The following TMOD3 variants were observed in gnomAD, a reference collection of about 807,000 sequenced individuals.
The protein encoded by TMOD3 is tropomodulin-3.
TMOD3 carries 20 observed loss-of-function variants against 39.2 expected under a neutral mutation model. That is an observed-to-expected ratio of 0.51 (90% CI 0.36 to 0.74). The LOEUF is 0.74. TMOD3 is among the 30% of genes least tolerant of loss of function. The pLI is 0.00. For synonymous variants in TMOD3, 143 were observed against 145.8 expected (o/e 0.98, Z 0.14); for missense variants, 381 against 412.8 (o/e 0.92, Z 0.67).
At chr15:51,901,817 T>C in intron 8 of TMOD3, 75 bp from the exon 9 acceptor site, 1 of 1,455,384 alleles carries the variant, frequency 6.9e-7, no homozygotes, top group Non-Finnish European at 9.4e-7. Context: ...AGCATGTGCC[T>C]GAATGTCTTA....
chr15:51,905,375 T>C (rs2056673253), intron 9 of TMOD3, among the ~76,000 whole-genome samples: 1 of 152,020 alleles, frequency 6.6e-6, no homozygotes, highest in Non-Finnish European at 1.5e-5. Flanking sequence ...TAATCCTAGC[T>C]ACTCGGGAGG....
chr15:51,867,110 T>G (rs1310082121), intron 2 of TMOD3, among the ~76,000 whole-genome samples: 2 of 151,972 alleles, frequency 1.3e-5, no homozygotes, highest in East Asian at 3.9e-4. Flanking sequence ...GTGACTGGAA[T>G]GGAGAGGGTG....
chr15:51,900,202 T>C lies in TMOD3; in HGVS notation c.783T>C (p.Asn261=). ...LKVNKTLKSL[N]VESNFITGVG... is the part of the protein sequence containing the mutation. Reference sequence around the variant, plus strand: ...TGAACAAAACTTTGAAGAGCTTAAATGTGGAGTCCAACTTTATCACGGGAG... The same window carrying C: ...TGAACAAAACTTTGAAGAGCTTAAACGTGGAGTCCAACTTTATCACGGGAG... Residue 261 remains asparagine, a synonymous_variant, in exon 8 of 10, where the codon AAT becomes AAC. Coordinates refer to ENST00000308580, the MANE Select transcript of TMOD3 (RefSeq NM_014547.5). 1 of 1,614,256 alleles carries C rather than the reference T, an allele frequency of 6.2e-7. No individual in the cohort carries two copies.
At chr15:51,884,198 C>G (rs926172219) in intron 3 of TMOD3, among the ~76,000 whole-genome samples, 2 of 152,188 alleles carry the variant, frequency 1.3e-5, no homozygotes, top group African/African-American at 4.8e-5. Context: ...TTAAATTACA[C>G]TTTATGAAAT....
intron 1 of TMOD3, chr15:51,859,858 C>T: frequency 1.9e-6 from 1 of 527,736 alleles, no homozygotes; most frequent in Non-Finnish European, 3.9e-6. Flanking sequence ...CTCAAGTCAA[C>T]TGCTTGTATT....
intron 3 of TMOD3, among the ~76,000 whole-genome samples, chr15:51,881,678 C>T (rs2056535430): frequency 6.8e-6 from 1 of 146,880 alleles, no homozygotes; most frequent in Non-Finnish European, 1.5e-5. Flanking sequence ...TCTCCTGCCT[C>T]AGCCTCCTGA....
At chr15:51,901,218 T>C (rs979678464) in intron 8 of TMOD3, 4 of 152,396 alleles carry the variant, frequency 2.6e-5, no homozygotes, top group Non-Finnish European at 4.4e-5. Flanking sequence ...TCTATTCCAT[T>C]TGGGGTGTGT....
chr15:51,890,223 C>T (rs1036117311), intron 5 of TMOD3, among the ~76,000 whole-genome samples: 3 of 149,052 alleles, frequency 2.0e-5, no homozygotes, highest in Non-Finnish European at 4.4e-5. Context: ...GGCTGGAGTG[C>T]AGTGGTACCA....
At chr15:51,842,633 G>T (rs1360889639) in intron 1 of TMOD3, among the ~76,000 whole-genome samples, 1 of 152,148 alleles carries the variant, frequency 6.6e-6, no homozygotes, top group Non-Finnish European at 1.5e-5. Flanking sequence ...TCAAGGTAGT[G>T]GGGCAGTGTC....
intron 5 of TMOD3, among the ~76,000 whole-genome samples, chr15:51,893,492 C>T (rs1438363273): frequency 6.6e-6 from 1 of 151,924 alleles, no homozygotes; most frequent in Non-Finnish European, 1.5e-5. Context: ...CCAGGCTGAG[C>T]ACAGTGGCTC....
chr15:51,877,040 G>T lies in TMOD3; in HGVS notation c.283+7667G>T, dbSNP rs575289464. 2.3e-4 allele frequency among the ~76,000 whole-genome samples: 35 copies of T among 152,196 alleles called. No homozygotes were observed. The South Asian group carries it at 7.1e-3, about 31-fold the overall frequency. On this transcript the variant is annotated intron_variant, in intron 3 of 9. Coordinates refer to ENST00000308580, the MANE Select transcript of TMOD3 (RefSeq NM_014547.5). ...CTCATGCCACTGCACTCCACCCTTG[G>T]CATCAGAGCGAGACTCTGTCTCAAA...
At chr15:51,868,068 A>G (rs563150727) in intron 2 of TMOD3, among the ~76,000 whole-genome samples, 12 of 152,336 alleles carry the variant, frequency 7.9e-5, no homozygotes, top group African/African-American at 2.9e-4. Flanking sequence ...GTGGTCATGT[A>G]TATATGTACG....
At chr15:51,888,057 C>T (rs979416803) in intron 4 of TMOD3, among the ~76,000 whole-genome samples, 11 of 152,120 alleles carry the variant, frequency 7.2e-5, no homozygotes, top group Admixed American at 3.3e-4. Flanking sequence ...CAGGGTCAAC[C>T]GCTGACCTAC....
rs201786029 is a variant in TMOD3 at position 51,863,109 on chromosome 15, T to C, written c.126+99T>C. 32 of 1,243,210 alleles carry C rather than the reference T, an allele frequency of 2.6e-5. No individual in the cohort carries two copies. The East Asian group carries it at 7.4e-4, about 29-fold the overall frequency. 77.0% of individuals were successfully genotyped at this position (1,243,210 alleles called of 1,614,324 possible). A position where few individuals can be genotyped will look rare whatever the true frequency, so the allele number is the denominator to read the frequency against. On this transcript the variant is annotated intron_variant, in intron 2 of 9. Coordinates refer to ENST00000308580, the MANE Select transcript of TMOD3 (RefSeq NM_014547.5). ...TTTCCATGACTTTTCTCTGGCACCTTCCACCCTTTCCTCCACTTTATCCAA... is the reference window on the plus strand; with the variant it reads ...TTTCCATGACTTTTCTCTGGCACCTCCCACCCTTTCCTCCACTTTATCCAA...
intron 3 of TMOD3, among the ~76,000 whole-genome samples, chr15:51,876,327 C>T (rs955350173): frequency 6.6e-6 from 1 of 152,086 alleles, no homozygotes; most frequent in African/African-American, 2.4e-5. Context: ...TGCTACCACA[C>T]CTGGCTAATT....
chr15:51,896,891 TTAG>T (rs1426626732), intron 7 of TMOD3, among the ~76,000 whole-genome samples: 4 of 152,252 alleles, frequency 2.6e-5, no homozygotes, highest in African/African-American at 7.2e-5. Context: ...TTATGGATCC[TTAG>T]TGGTGGATTT....
At chr15:51,872,534 G>T (rs944761733) in intron 3 of TMOD3, among the ~76,000 whole-genome samples, 4 of 151,448 alleles carry the variant, frequency 2.6e-5, no homozygotes, top group Non-Finnish European at 5.9e-5. Flanking sequence ...ACTTTATATC[G>T]ATGGAAACAT....
chr15:51,907,968 T>A (rs889415062), intron 9 of TMOD3, among the ~76,000 whole-genome samples: 3 of 152,212 alleles, frequency 2.0e-5, no homozygotes, highest in Non-Finnish European at 4.4e-5. Context: ...CCACACCATA[T>A]TACCAGGGTC....
chr15:51,875,633 T>C (rs2056498315), intron 3 of TMOD3, among the ~76,000 whole-genome samples: 1 of 125,674 alleles, frequency 8.0e-6, no homozygotes, highest in Non-Finnish European at 1.7e-5. Flanking sequence ...TTTTTTTTCC[T>C]GAGACAGAGT....
Sources: allele counts gnomAD v4.1 joint callset (sites outside exome capture counted in the v4.1 genomes callset), GRCh38; gene constraint gnomAD v4.1.1; transcripts MANE v1.5; gene names NCBI Gene and HGNC (gene_info 2026-07-23, HGNC 2026-07-21).